The following ZNF704 variants were observed in gnomAD, a reference collection of about 807,000 sequenced individuals.
ZNF704 encodes the protein glucocorticoid induced gene 1.
ZNF704 carries 10 observed loss-of-function variants against 44.7 expected under a neutral mutation model. The ratio of observed to expected loss-of-function variants is 0.22; its 90% CI spans 0.14 to 0.38. ZNF704 has a LOEUF of 0.38. Ranked by LOEUF, ZNF704 falls within the 10% of genes least tolerant of loss-of-function variation. The probability of loss-of-function intolerance (pLI) is 1.00; values close to 1 mark genes in which losing one functional copy is unlikely to be tolerated. For synonymous variants in ZNF704, 211 were observed against 207.6 expected (o/e 1.02, Z -0.14); for missense variants, 390 against 545.5 (o/e 0.71, Z 2.84).
At chr8:80,781,742 T>TG (rs1807526902) in intron 2 of ZNF704, among the ~76,000 whole-genome samples, 1 of 152,206 alleles carries the variant, frequency 6.6e-6, no homozygotes, top group Non-Finnish European at 1.5e-5. Flanking sequence ...GTGTCACTCA[T>TG]GGGAACATGG....
chr8:80,699,541 C>T (rs1818776798), intron 2 of ZNF704, among the ~76,000 whole-genome samples: 1 of 152,160 alleles, frequency 6.6e-6, no homozygotes, highest in Non-Finnish European at 1.5e-5. Context: ...CTGAAGCCAT[C>T]TGTGGTGAAG....
the ZNF704 span, among the ~76,000 whole-genome samples, chr8:80,880,057 G>A: frequency 6.6e-6 from 1 of 152,158 alleles, no homozygotes. Context: ...CTCTGTCTCT[G>A]TCTGTCTCTT....
chr8:80,873,317 G>A (rs940912119), intron 1 of ZNF704, among the ~76,000 whole-genome samples: 2 of 152,156 alleles, frequency 1.3e-5, no homozygotes, highest in Non-Finnish European at 2.9e-5. Context: ...TTTGAGGAAA[G>A]CGGGAGCCGC....
intron 4 of ZNF704, chr8:80,673,359 G>A (rs931567904): frequency 2.6e-5 from 4 of 152,152 alleles, no homozygotes; most frequent in Admixed American, 6.5e-5. Context: ...CACCCTCTTC[G>A]GAACCTCCAC....
chr8:80,853,576 G>T (rs986897078), intron 1 of ZNF704, among the ~76,000 whole-genome samples: 1 of 151,748 alleles, frequency 6.6e-6, no homozygotes, highest in Non-Finnish European at 1.5e-5. Context: ...AAAAGACAAC[G>T]AAACTATAGA....
intron 2 of ZNF704, among the ~76,000 whole-genome samples, chr8:80,730,567 A>G (rs1806564082): frequency 7.1e-6 from 1 of 141,044 alleles, no homozygotes; most frequent in African/African-American, 2.7e-5. Flanking sequence ...AAAAAAAAAA[A>G]AGTTGTGCAT....
intron 2 of ZNF704, among the ~76,000 whole-genome samples, chr8:80,793,450 G>A (rs1369507295): frequency 6.6e-6 from 1 of 152,008 alleles, no homozygotes; most frequent in Non-Finnish European, 1.5e-5. Flanking sequence ...TTATGCTCTA[G>A]ATGTAGATAT....
At chr8:80,729,131 AG>A (rs1806533210) in intron 2 of ZNF704, among the ~76,000 whole-genome samples, 1 of 152,166 alleles carries the variant, frequency 6.6e-6, no homozygotes, top group African/African-American at 2.4e-5. Flanking sequence ...AATGAAGGTA[AG>A]GGAAAGAAAG....
At chr8:80,760,810 A>G (rs1807117767) in intron 2 of ZNF704, among the ~76,000 whole-genome samples, 2 of 152,012 alleles carry the variant, frequency 1.3e-5, no homozygotes, top group Non-Finnish European at 1.5e-5. Context: ...TCTGCAGAGG[A>G]AACTTATAAT....
At chr8:80,753,058 T>A (rs1198363409) in intron 2 of ZNF704, among the ~76,000 whole-genome samples, 1 of 152,236 alleles carries the variant, frequency 6.6e-6, no homozygotes, top group East Asian at 1.9e-4. Flanking sequence ...ATACCTTTTA[T>A]AAACAATCTG....
chr8:80,800,475 C>T (rs902584943), intron 2 of ZNF704, among the ~76,000 whole-genome samples: 2 of 152,078 alleles, frequency 1.3e-5, no homozygotes, highest in African/African-American at 4.8e-5. Flanking sequence ...CAGCAGAAAC[C>T]GTACAAGCCA....
chr8:80,876,834 C>G (rs967918896), upstream of ZNF704, among the ~76,000 whole-genome samples: 4 of 152,140 alleles, frequency 2.6e-5, no homozygotes, highest in East Asian at 3.9e-4. Flanking sequence ...CAAGGTAGCT[C>G]TCTTTTAAGT....
chr8:80,690,486 C>T (rs1307189697), intron 3 of ZNF704, among the ~76,000 whole-genome samples: 2 of 152,086 alleles, frequency 1.3e-5, no homozygotes, highest in Non-Finnish European at 2.9e-5. Flanking sequence ...GGCTGAAGTG[C>T]AGTGGCACCA....
intron 2 of ZNF704, among the ~76,000 whole-genome samples, chr8:80,773,290 T>G (rs1231865047): frequency 6.6e-6 from 1 of 152,238 alleles, no homozygotes; most frequent in African/African-American, 2.4e-5. Flanking sequence ...TCCCTTTGTA[T>G]AGCTTTCTTT....
At chr8:80,669,491 G>C (rs1041926475) in intron 5 of ZNF704, among the ~76,000 whole-genome samples, 1 of 152,236 alleles carries the variant, frequency 6.6e-6, no homozygotes, top group Admixed American at 6.5e-5. Context: ...TGGATGATTA[G>C]AGAGCTAGAT....
intron 2 of ZNF704, among the ~76,000 whole-genome samples, chr8:80,798,144 G>T (rs1337163315): frequency 6.6e-6 from 1 of 151,932 alleles, no homozygotes; most frequent in South Asian, 2.1e-4. Flanking sequence ...CTTAGACATG[G>T]ACACAATGCA....
intron 2 of ZNF704, among the ~76,000 whole-genome samples, chr8:80,750,447 A>C (rs1563540657): frequency 6.6e-6 from 1 of 152,200 alleles, no homozygotes; most frequent in Non-Finnish European, 1.5e-5. Context: ...CAATATTAAA[A>C]ATTGACAAGA....
At chr8:80,810,683 C>T (rs1311363753) in intron 2 of ZNF704, among the ~76,000 whole-genome samples, 1 of 152,096 alleles carries the variant, frequency 6.6e-6, no homozygotes, top group African/African-American at 2.4e-5. Context: ...TGTGGTAATA[C>T]CCATTTAACC....
chr8:80,662,341 A>G, intron 6 of ZNF704, among the ~76,000 whole-genome samples: 1 of 152,160 alleles, frequency 6.6e-6, no homozygotes, highest in East Asian at 1.9e-4. Context: ...TATAAACAGA[A>G]AAGTCTCAAT....
Sources: gnomAD v4.1 joint callset for allele counts (sites outside exome capture counted in the v4.1 genomes callset) on GRCh38, gnomAD v4.1.1 for gene constraint, MANE v1.5 for transcripts, NCBI Gene and HGNC (gene_info 2026-07-23, HGNC 2026-07-21) for gene names.